EYS: variants seen among roughly 807,000 people sequenced by gnomAD.
EYS encodes EGF-like photoreceptor maintenance factor.
Under a neutral mutation model 282.1 loss-of-function variants are expected in EYS, and 250 were observed. The ratio of observed to expected loss-of-function variants is 0.89; its 90% CI spans 0.80 to 0.98. The LOEUF is 0.98. EYS is among the 50% of genes least tolerant of loss of function. The pLI, the probability that EYS is intolerant of heterozygous loss-of-function variation, is 0.00. For missense variants in EYS, 4,016 were observed against 3,709.0 expected (o/e 1.08, Z -2.15); for synonymous variants, 1,355 against 1,282.9 (o/e 1.06, Z -1.20).
At chr6:64,453,669 A>C (rs1405020775) in intron 26 of EYS, among the ~76,000 whole-genome samples, 1 of 152,202 alleles carries the variant, frequency 6.6e-6, no homozygotes, top group Non-Finnish European at 1.5e-5. Flanking sequence ...ATGGGATACT[A>C]TGCAGCCATA....
intron 24 of EYS, among the ~76,000 whole-genome samples, chr6:64,615,602 A>G (rs1310330935): frequency 1.3e-5 from 2 of 152,130 alleles, no homozygotes; most frequent in Non-Finnish European, 2.9e-5. Flanking sequence ...ATTGGCATGA[A>G]TAACATTTCA....
At chr6:65,251,456 C>CA (rs5876955) in intron 12 of EYS, among the ~76,000 whole-genome samples, 46,061 of 146,760 alleles carry the variant, frequency 0.31, 7,705 homozygotes, top group African/African-American at 0.45. Flanking sequence ...GATTTCCAAA[C>CA]AAAAAAAAAC....
At chr6:65,413,731 C>A (rs1444657202) in intron 5 of EYS, among the ~76,000 whole-genome samples, 1 of 152,134 alleles carries the variant, frequency 6.6e-6, no homozygotes, top group South Asian at 2.1e-4. Context: ...TGGCAGGCAC[C>A]TGTAACCCCT....
intron 5 of EYS, among the ~76,000 whole-genome samples, chr6:65,430,085 C>CTG (rs1767824343): frequency 6.6e-6 from 1 of 152,054 alleles, no homozygotes; most frequent in Admixed American, 6.6e-5. Flanking sequence ...GTGTCTGAAC[C>CTG]AGGGGTTGAG....
intron 22 of EYS, among the ~76,000 whole-genome samples, chr6:64,796,822 G>A (rs1774368842): frequency 6.6e-6 from 1 of 152,084 alleles, no homozygotes; most frequent in South Asian, 2.1e-4. Context: ...ATTTTTGTGT[G>A]ACACAAAGAT....
chr6:65,443,755 C>A (rs185707559), intron 5 of EYS, among the ~76,000 whole-genome samples: 1 of 88,022 alleles, frequency 1.1e-5, no homozygotes, highest in South Asian at 4.2e-4. Context: ...TATACACATA[C>A]GTGCATATAC....
At chr6:65,186,183 G>C (rs1765513171) in intron 12 of EYS, among the ~76,000 whole-genome samples, 1 of 151,650 alleles carries the variant, frequency 6.6e-6, no homozygotes, top group Non-Finnish European at 1.5e-5. Flanking sequence ...CTTTGTTCCT[G>C]AAATTATTTG....
At chr6:64,925,682 C>T (rs1348737185) in intron 15 of EYS, among the ~76,000 whole-genome samples, 1 of 151,662 alleles carries the variant, frequency 6.6e-6, no homozygotes, top group African/African-American at 2.4e-5. Flanking sequence ...GATGTTCTCA[C>T]CTTGTCTAGA....
chr6:63,996,490 A>G (rs1767842836), intron 34 of EYS, among the ~76,000 whole-genome samples: 1 of 152,148 alleles, frequency 6.6e-6, no homozygotes, highest in South Asian at 2.1e-4. Context: ...AATAAAGGAA[A>G]ACATCATAAA....
intron 13 of EYS, among the ~76,000 whole-genome samples, chr6:65,012,353 T>C (rs931708490): frequency 6.6e-5 from 10 of 152,196 alleles, no homozygotes; most frequent in African/African-American, 2.2e-4. Flanking sequence ...TAAAAATATT[T>C]ACATGTTACC....
intron 12 of EYS, among the ~76,000 whole-genome samples, chr6:65,084,097 G>A (rs921004507): frequency 5.9e-5 from 9 of 151,920 alleles, no homozygotes; most frequent in Admixed American, 2.6e-4. Flanking sequence ...CCCAAACGAC[G>A]TTCAAATTAG....
chr6:65,371,693 C>A (rs978012012), intron 8 of EYS, among the ~76,000 whole-genome samples: 1 of 115,100 alleles, frequency 8.7e-6, no homozygotes, highest in Non-Finnish European at 1.8e-5. Context: ...CTTCAAATTC[C>A]TCTCTCTCTC....
chr6:63,783,098 C>T (rs989170986), intron 39 of EYS, among the ~76,000 whole-genome samples: 9 of 151,834 alleles, frequency 5.9e-5, no homozygotes, highest in African/African-American at 9.7e-5. Flanking sequence ...AAGTACTGAC[C>T]GTGTTGGCTA....
intron 2 of EYS, among the ~76,000 whole-genome samples, chr6:65,533,243 T>C (rs1767846738): frequency 6.6e-6 from 1 of 152,030 alleles, no homozygotes; most frequent in Non-Finnish European, 1.5e-5. Flanking sequence ...AAGAAATGGA[T>C]AAATTCCTGG....
chr6:64,504,519 T>C (rs1435585403), intron 26 of EYS, among the ~76,000 whole-genome samples: 1 of 152,196 alleles, frequency 6.6e-6, no homozygotes, highest in Admixed American at 6.5e-5. Context: ...GAGTCTGTTC[T>C]GGATGCTGGA....
At chr6:65,483,174 T>C (rs189808491) in intron 5 of EYS, among the ~76,000 whole-genome samples, 49 of 152,254 alleles carry the variant, frequency 3.2e-4, no homozygotes, top group African/African-American at 1.1e-3. Flanking sequence ...ATGTTTGAAA[T>C]TGAAGTTTGA....
chr6:65,207,609 A>G (rs915936502), intron 12 of EYS, among the ~76,000 whole-genome samples: 1 of 151,824 alleles, frequency 6.6e-6, no homozygotes, highest in Non-Finnish European at 1.5e-5. Flanking sequence ...GAGACATCAC[A>G]TTACCTGACG....
chr6:64,162,470 T>G (rs1278134531), intron 31 of EYS, among the ~76,000 whole-genome samples: 1 of 152,024 alleles, frequency 6.6e-6, no homozygotes, highest in African/African-American at 2.4e-5. Flanking sequence ...TAAGATTGCT[T>G]GAGTATGGTG....
At chr6:64,603,860 C>CGTGT (rs1380323953) in intron 24 of EYS, among the ~76,000 whole-genome samples, 6 of 98,318 alleles carry the variant, frequency 6.1e-5, no homozygotes, top group Non-Finnish European at 8.6e-5. Flanking sequence ...TAAATGAATA[C>CGTGT]CTGTGTGTGT....
Sources: allele counts gnomAD v4.1 joint callset (sites outside exome capture counted in the v4.1 genomes callset), GRCh38; gene constraint gnomAD v4.1.1; transcripts MANE v1.5; gene names NCBI Gene and HGNC (gene_info 2026-07-23, HGNC 2026-07-21).